PDGFD: variants seen among roughly 807,000 people sequenced by gnomAD.
The protein encoded by PDGFD is platelet-derived growth factor D.
Under a neutral mutation model 44.7 loss-of-function variants are expected in PDGFD, and 30 were observed. The observed-to-expected ratio is 0.67, with a 90% CI of 0.50 to 0.91. The LOEUF (loss-of-function observed/expected upper bound fraction) is 0.91. PDGFD is among the 40% of genes least tolerant of loss of function. The pLI is 0.00. For synonymous variants in PDGFD, 173 were observed against 168.4 expected (o/e 1.03, Z -0.21); for missense variants, 445 against 457.8 (o/e 0.97, Z 0.25).
At chr11:104,063,624 C>T (rs2134415759) in intron 1 of PDGFD, among the ~76,000 whole-genome samples, 1 of 152,224 alleles carries the variant, frequency 6.6e-6, no homozygotes, top group East Asian at 1.9e-4. Context: ...ACCACAGTGC[C>T]ACATGGCTGG....
intron 1 of PDGFD, among the ~76,000 whole-genome samples, chr11:104,071,299 T>C (rs1246576505): frequency 2.6e-5 from 4 of 151,864 alleles, no homozygotes; most frequent in African/African-American, 9.7e-5. Context: ...TATGTTTACT[T>C]ATGTTTAAGA....
At chr11:104,117,874 A>G (rs1861664854) in intron 1 of PDGFD, among the ~76,000 whole-genome samples, 2 of 152,036 alleles carry the variant, frequency 1.3e-5, no homozygotes, top group Non-Finnish European at 2.9e-5. Context: ...ACAGAAGTAG[A>G]AAAAACAATC....
intron 1 of PDGFD, among the ~76,000 whole-genome samples, chr11:104,057,660 C>A (rs901430379): frequency 3.3e-5 from 5 of 152,090 alleles, no homozygotes; most frequent in Non-Finnish European, 5.9e-5. Context: ...TGCACATGTA[C>A]CCCCTGAATC....
chr11:103,929,634 C>G (rs1367796999), intron 5 of PDGFD, among the ~76,000 whole-genome samples: 1 of 152,216 alleles, frequency 6.6e-6, no homozygotes, highest in Non-Finnish European at 1.5e-5. Flanking sequence ...CCCAGTGTGA[C>G]TGCTGTAGAA....
chr11:103,986,814 C>T (rs1859372202), intron 3 of PDGFD, among the ~76,000 whole-genome samples: 2 of 152,214 alleles, frequency 1.3e-5, no homozygotes, highest in Admixed American at 6.5e-5. Context: ...AGTCATGCAG[C>T]TGGAGGCTGC....
chr11:104,128,370 C>T (rs1045925422), intron 1 of PDGFD, among the ~76,000 whole-genome samples: 5 of 152,094 alleles, frequency 3.3e-5, no homozygotes, highest in Non-Finnish European at 1.5e-5. Context: ...AACACAGCTC[C>T]ACCTACTCCT....
intron 5 of PDGFD, among the ~76,000 whole-genome samples, chr11:103,934,572 C>T (rs1231020692): frequency 6.6e-6 from 1 of 152,170 alleles, no homozygotes; most frequent in Non-Finnish European, 1.5e-5. Context: ...CACAGTTATG[C>T]ATTGCCTGGG....
At chr11:104,082,923 A>G (rs1228916451) in intron 1 of PDGFD, among the ~76,000 whole-genome samples, 1 of 152,146 alleles carries the variant, frequency 6.6e-6, no homozygotes, top group African/African-American at 2.4e-5. Flanking sequence ...GTGGCCACAA[A>G]TAAGTTTTAA....
intron 1 of PDGFD, among the ~76,000 whole-genome samples, chr11:104,135,885 G>A (rs967323824): frequency 2.0e-5 from 3 of 151,982 alleles, no homozygotes; most frequent in African/African-American, 7.3e-5. Context: ...GGAATGGGTG[G>A]AGAGCTAATG....
At position 104,102,347 on chromosome 11, in the gene PDGFD, T is replaced by C. The variant is rs1861399251; in HGVS notation, c.124+61457A>G. Reference sequence around the variant, plus strand: ...AAAATATGCTCATCATCACTGGTCATCAGAGAAATGCAAATCAAAACCACA... The same window carrying C: ...AAAATATGCTCATCATCACTGGTCACCAGAGAAATGCAAATCAAAACCACA... On this transcript the variant is annotated intron_variant, in intron 1 of 6. Coordinates refer to ENST00000393158, the MANE Select transcript of PDGFD (RefSeq NM_025208.5). Among the ~76,000 whole-genome samples the C allele has an allele frequency of 3.9e-5, 6 of 152,262 alleles. No individual in the cohort carries two copies. In the South Asian group the frequency reaches 1.2e-3, roughly 32 times the overall value.
At chr11:104,017,751 G>T (rs1187873142) in intron 1 of PDGFD, among the ~76,000 whole-genome samples, 1 of 152,130 alleles carries the variant, frequency 6.6e-6, no homozygotes, top group Non-Finnish European at 1.5e-5. Flanking sequence ...ACATATGCTA[G>T]GGTGCTAACT....
chr11:104,096,349 A>C (rs915879845), intron 1 of PDGFD, among the ~76,000 whole-genome samples: 9 of 152,314 alleles, frequency 5.9e-5, no homozygotes, highest in African/African-American at 2.2e-4. Flanking sequence ...AAAAAACAGC[A>C]AATAGGGAGC....
rs942459275 is a variant in PDGFD, at chr11:103,909,402, C to A, written c.*292G>T. ...ACCTGGTTATATATACCAAAAAAAA[C>A]ATTTGATCTATATACACATAGACAT... On this transcript the variant is annotated 3_prime_UTR_variant, in exon 7 of 7. Coordinates refer to ENST00000393158, the MANE Select transcript of PDGFD (RefSeq NM_025208.5). 45 of 208,044 alleles carry A rather than the reference C, an allele frequency of 2.2e-4. No homozygotes were observed. The highest frequency in any genetic ancestry group is 7.1e-4 in the Admixed American group (13 of 18,406). 12.9% of individuals were successfully genotyped at this position (208,044 alleles called of 1,614,324 possible). A position where few individuals can be genotyped will look rare whatever the true frequency, so the allele number is the denominator to read the frequency against.
At chr11:103,948,288 A>G (rs949075414) in intron 3 of PDGFD, among the ~76,000 whole-genome samples, 3 of 152,214 alleles carry the variant, frequency 2.0e-5, no homozygotes, top group Non-Finnish European at 4.4e-5. Context: ...ATCAACAAAT[A>G]TAAGGAAGGA....
In PDGFD at chr11:103,943,633, A is replaced by T. The variant is rs371264215; in HGVS notation, c.591T>A (p.Ser197=). 337 of 1,612,694 alleles carry T rather than the reference A, an allele frequency of 2.1e-4. No homozygotes were observed. The highest frequency in any genetic ancestry group is 3.2e-4 in the Admixed American group (19 of 59,778). Residue 197 remains serine (S), a synonymous_variant, in exon 5 of 7, where the codon TCT becomes TCA. Coordinates refer to ENST00000393158, the MANE Select transcript of PDGFD (RefSeq NM_025208.5). ...TSSISGVSYN[S]PSVTDPTLIA... is the part of the protein sequence containing the mutation. ...TCAGAGTGGGATCCGTTACTGATGGAGAGTTATAGGATACCCCCTAAGAGT... is the reference window on the plus strand; with the variant it reads ...TCAGAGTGGGATCCGTTACTGATGGTGAGTTATAGGATACCCCCTAAGAGT...
chr11:103,943,613 G>A lies in PDGFD; in HGVS notation c.611C>T (p.Thr204Ile). 1.2e-6 allele frequency: 2 copies of A among 1,613,128 alleles called. No individual in the cohort carries two copies. The highest frequency in any genetic ancestry group is 2.7e-5 in the African/African-American group (2 of 74,994). Residue 204 changes from threonine (T) to isoleucine (I), a missense_variant, in exon 5 of 7, where the codon ACT becomes ATT. Physicochemically the swap from Thr to Ile is moderately conservative, Grantham distance 89. Coordinates refer to ENST00000393158, the MANE Select transcript of PDGFD (RefSeq NM_025208.5). The stretch of plus-strand genomic sequence containing the variant: ...TTTGTCCAGAGCATCCGCAATCAGA[G>A]TGGGATCCGTTACTGATGGAGAGTT... Reference protein sequence around the residue: ...SYNSPSVTDPTLIADALDKKI... With the variant: ...SYNSPSVTDPILIADALDKKI...
intron 5 of PDGFD, among the ~76,000 whole-genome samples, chr11:103,934,877 T>A (rs1858463217): frequency 6.6e-6 from 1 of 152,102 alleles, no homozygotes; most frequent in Admixed American, 6.6e-5. Context: ...TATTAGCAAG[T>A]AAAGACACTC....
At chr11:104,133,965 A>C (rs17102032) in intron 1 of PDGFD, among the ~76,000 whole-genome samples, 19,801 of 152,148 alleles carry the variant, frequency 0.13, 1,425 homozygotes, top group East Asian at 0.29. Context: ...GCTGATATGG[A>C]CCCATGTCAA....
intron 1 of PDGFD, among the ~76,000 whole-genome samples, chr11:104,064,514 C>T (rs1436327130): frequency 2.6e-5 from 4 of 152,116 alleles, no homozygotes; most frequent in Non-Finnish European, 5.9e-5. Context: ...ACATAGATGA[C>T]AGTCAAATCA....
Sources: allele counts gnomAD v4.1 joint callset (sites outside exome capture counted in the v4.1 genomes callset), GRCh38; gene constraint gnomAD v4.1.1; transcripts MANE v1.5; gene names NCBI Gene and HGNC (gene_info 2026-07-23, HGNC 2026-07-21).